RPAIN: variants seen among roughly 807,000 people sequenced by gnomAD.
The protein encoded by RPAIN is RPA-interacting protein.
A neutral mutation model predicts 30.5 loss-of-function variants in RPAIN; 29 were observed. The ratio of observed to expected loss-of-function variants is 0.95; its 90% CI spans 0.71 to 1.30. The LOEUF is 1.30. Among genes scored for constraint, RPAIN ranks in the 50% most tolerant of loss-of-function variants. RPAIN has a pLI of 0.00. For synonymous variants in RPAIN, 101 were observed against 93.5 expected (o/e 1.08, Z -0.46); for missense variants, 247 against 264.7 (o/e 0.93, Z 0.46).
At chr17:5,431,453 C>T (rs1486095756) in intron 6 of RPAIN, 1 of 430,552 alleles carries the variant, frequency 2.3e-6, no homozygotes, top group Non-Finnish European at 4.5e-6. Context: ...CGCCATTGCG[C>T]TCCAGGCTGG....
chr17:5,429,433 G>A (rs971223111), intron 6 of RPAIN: 2 of 985,286 alleles, frequency 2.0e-6, no homozygotes, highest in Non-Finnish European at 2.4e-6. Context: ...GATAGTTCCT[G>A]TTAGGAATAG....
intron 3 of RPAIN, chr17:5,423,132 T>C: frequency 4.4e-6 from 1 of 227,516 alleles, no homozygotes; most frequent in Non-Finnish European, 8.4e-6. Context: ...GTCATACAGC[T>C]AGTAAGTGGA....
chr17:5,431,182 G>T (rs763257446), intron 6 of RPAIN: 3 of 325,266 alleles, frequency 9.2e-6, no homozygotes, highest in Non-Finnish European at 1.2e-5. Flanking sequence ...GGAGGTGGGG[G>T]TCACAGCAAA....
At chr17:5,428,876 A>G (rs1915655137) in intron 6 of RPAIN, 2 of 986,302 alleles carry the variant, frequency 2.0e-6, no homozygotes, top group African/African-American at 1.7e-5. Flanking sequence ...TTAGGAGCAC[A>G]CTGTACTTCA....
chr17:5,429,164 AGAGCT>A, intron 6 of RPAIN: 1 of 985,456 alleles, frequency 1.0e-6, no homozygotes, highest in Non-Finnish European at 1.2e-6. Context: ...AGTACCCTGG[AGAGCT>A]GTACAAGGAG....
intron 3 of RPAIN, among the ~76,000 whole-genome samples, chr17:5,424,396 G>A (rs771503230): frequency 6.6e-6 from 1 of 152,162 alleles, no homozygotes; most frequent in African/African-American, 2.4e-5. Flanking sequence ...CTCCCAAAGT[G>A]TTGGGATTAC....
At chr17:5,423,322 C>T (rs1015711964) in intron 3 of RPAIN, among the ~76,000 whole-genome samples, 1 of 139,356 alleles carries the variant, frequency 7.2e-6, no homozygotes, top group South Asian at 2.3e-4. Context: ...GCATGGGCAA[C>T]ATAACAAGAT....
intron 3 of RPAIN, among the ~76,000 whole-genome samples, 198 bp from the exon 4 acceptor site, chr17:5,425,773 C>G (rs1915325555): frequency 6.6e-6 from 1 of 152,092 alleles, no homozygotes; most frequent in South Asian, 2.1e-4. Context: ...CTTGTGCTCA[C>G]AAAAAGGGGA....
chr17:5,423,429 G>A, intron 3 of RPAIN, among the ~76,000 whole-genome samples: 1 of 151,964 alleles, frequency 6.6e-6, no homozygotes. Flanking sequence ...TAGGCAGGAG[G>A]ATCACTTGAA....
In RPAIN at chr17:5,432,673, G is replaced by T. The variant is rs1197461141; in HGVS notation, c.*102G>T. On this transcript the variant is annotated 3_prime_UTR_variant, in exon 7 of 7. Transcript: ENST00000381209. ...TTTTATTTATAACTTATTTTGTATT[G>T]AAACTTTTAAACAATACTGAAGAAA... 4.2e-6 allele frequency: 5 copies of T among 1,201,366 alleles called. No individual in the cohort carries two copies. The highest frequency in any genetic ancestry group is 3.1e-5 in the African/African-American group (2 of 65,236). The allele number at this position is 1,201,366 out of a possible 1,614,324, so 74.4% of individuals were successfully genotyped here.
In RPAIN at chr17:5,421,373, G is replaced by A. The variant is rs947841168; in HGVS notation, c.159G>A (p.Gly53=). The part of the protein sequence containing the change: ...RYRQAGSSGP[G]NSQNSFLVQE... ...GCCAGGCTGGAAGCAGTGGGCCAGG[G>A]AATTCTCAGAACAGCTTTCTAGTTC... is the stretch of plus-strand genomic sequence containing the variant. Residue 53 remains glycine, a synonymous_variant, in exon 2 of 7, where the codon GGG becomes GGA. Transcript: ENST00000381209. 6.2e-7 allele frequency: 1 copy of A among 1,614,006 alleles called. No individual in the cohort carries two copies. Among genetic ancestry groups the A allele is most frequent in the Non-Finnish European group, 8.5e-7 (1 of 1,179,974 alleles).
Position 5,432,793 on chromosome 17 carries a change from A to C in RPAIN, c.*222A>C. On this transcript the variant is annotated 3_prime_UTR_variant, in exon 7 of 7. Transcript: ENST00000381209. Reference sequence around the variant, plus strand: ...CAAACTGCCTTGGAGGAGATAAACCAATTTTATGTCTATCATGTTATACAA... The same window carrying C: ...CAAACTGCCTTGGAGGAGATAAACCCATTTTATGTCTATCATGTTATACAA... 1 of 794,316 alleles carries C rather than the reference A, an allele frequency of 1.3e-6. No individual in the cohort carries two copies. Among genetic ancestry groups the C allele is most frequent in the East Asian group, 2.7e-5 (1 of 36,372 alleles). 49.2% of individuals were successfully genotyped at this position (794,316 alleles called of 1,614,324 possible).
Position 5,425,474 on chromosome 17 carries a change from T to C in RPAIN, c.314-497T>C, listed in dbSNP as rs192912793. 1.6e-3 allele frequency: 615 copies of C among 391,332 alleles called. 9 individuals are homozygous for C. The highest frequency in any genetic ancestry group is 0.011 in the South Asian group (549 of 51,156). 24.2% of individuals were successfully genotyped at this position (391,332 alleles called of 1,614,324 possible). On this transcript the variant is annotated intron_variant, in intron 3 of 6. Transcript: ENST00000381209. ...CCTCAGCCTCCCGAGTAGCTGGGAT[T>C]ATAGACGTGCGCCACATGCCTGGCT...
intron 5 of RPAIN, chr17:5,427,772 GGGCAGA>G: frequency 2.4e-6 from 1 of 418,238 alleles, no homozygotes; most frequent in South Asian, 2.5e-5. Flanking sequence ...CAGCTGGTGG[GGGCAGA>G]GGCAGAGGGA....
intron 6 of RPAIN, chr17:5,431,678 G>C (rs1915967153): frequency 2.2e-6 from 1 of 454,612 alleles, no homozygotes. Context: ...ACAGATGGCT[G>C]AGGATGTGTT....
chr17:5,421,606 G>T, intron 2 of RPAIN, 140 bp downstream of exon 2: 2 of 662,390 alleles, frequency 3.0e-6, no homozygotes, highest in South Asian at 2.4e-5. Context: ...TTTAACCCAG[G>T]CTTTTCTACA....
In RPAIN at chr17:5,420,226, A is replaced by C; in HGVS notation, c.16A>C (p.Arg6=). 6.2e-7 allele frequency: 1 copy of C among 1,609,836 alleles called. No individual in the cohort carries two copies. Among genetic ancestry groups the C allele is most frequent in the Non-Finnish European group, 8.5e-7 (1 of 1,177,888 alleles). The stretch of plus-strand genomic sequence containing the variant: ...CGAAGAGGAGATGGCGGAGTCGTTG[A>C]GGTCTCCGCGCCGCTCCCTGTACAA... MAESL[R]SPRRSLYKLV... Residue 6 remains arginine (R), a synonymous_variant, in exon 1 of 7, where the codon AGG becomes CGG. Coordinates refer to ENST00000381209, the MANE Select transcript of RPAIN (RefSeq NM_001033002.4).
chr17:5,431,504 GA>G (rs373884979), intron 6 of RPAIN: 7 of 348,348 alleles, frequency 2.0e-5, no homozygotes, highest in Admixed American at 6.8e-5. Flanking sequence ...AAAAAAAGAG[GA>G]GGGGGAAAGA....
intron 3 of RPAIN, among the ~76,000 whole-genome samples, chr17:5,425,696 C>T (rs1597342517): frequency 6.6e-6 from 1 of 152,286 alleles, no homozygotes; most frequent in Non-Finnish European, 1.5e-5. Flanking sequence ...CATTCTGTAT[C>T]TGTGCTCCTA....
Sources: allele counts gnomAD v4.1 joint callset (sites outside exome capture counted in the v4.1 genomes callset), GRCh38; gene constraint gnomAD v4.1.1; transcripts MANE v1.5; gene names NCBI Gene and HGNC (gene_info 2026-07-23, HGNC 2026-07-21).